CAMKMT: variants seen among roughly 807,000 people sequenced by gnomAD.
CAMKMT encodes the protein CaM KMT.
CAMKMT carries 53 observed loss-of-function variants against 48.0 expected under a neutral mutation model. That is an observed-to-expected ratio of 1.10 (90% CI 0.89 to 1.39). The LOEUF (loss-of-function observed/expected upper bound fraction) is 1.39, where lower values mean the gene tolerates loss of function less well. Among genes scored for constraint, CAMKMT ranks in the 40% most tolerant of loss-of-function variants. The probability of loss-of-function intolerance (pLI) is 0.00; values close to 1 mark genes in which losing one functional copy is unlikely to be tolerated. For missense variants in CAMKMT, 428 were observed against 402.7 expected (o/e 1.06, Z -0.54); for synonymous variants, 165 against 152.3 (o/e 1.08, Z -0.61).
chr2:44,601,157 G>A (rs1670964054), intron 3 of CAMKMT, among the ~76,000 whole-genome samples: 1 of 152,058 alleles, frequency 6.6e-6, no homozygotes, highest in South Asian at 2.1e-4. Flanking sequence ...ATAAAGGTAT[G>A]CCATTACTCT....
At chr2:44,523,299 T>C (rs1163414713) in intron 3 of CAMKMT, among the ~76,000 whole-genome samples, 2 of 150,224 alleles carry the variant, frequency 1.3e-5, no homozygotes, top group African/African-American at 4.9e-5. Context: ...CCACTTTTTT[T>C]TTTTTTTTTT....
intron 3 of CAMKMT, among the ~76,000 whole-genome samples, chr2:44,404,671 C>G (rs996852932): frequency 6.6e-6 from 1 of 152,068 alleles, no homozygotes; most frequent in Non-Finnish European, 1.5e-5. Context: ...CTTAATGTTT[C>G]TCTTTTCTTT....
intron 3 of CAMKMT, among the ~76,000 whole-genome samples, chr2:44,684,498 A>G (rs1676221416): frequency 6.6e-6 from 1 of 152,158 alleles, no homozygotes. Context: ...GACAAAAAAA[A>G]AAACCTAGAC....
intron 3 of CAMKMT, among the ~76,000 whole-genome samples, chr2:44,695,594 CA>C (rs1676898545): frequency 6.6e-6 from 1 of 152,142 alleles, no homozygotes; most frequent in Non-Finnish European, 1.5e-5. Flanking sequence ...GGAGACTGAA[CA>C]ATGCACTCCT....
At chr2:44,536,491 A>AT (rs923206313) in intron 3 of CAMKMT, among the ~76,000 whole-genome samples, 18 of 151,158 alleles carry the variant, frequency 1.2e-4, no homozygotes, top group African/African-American at 2.9e-4. Context: ...TGCCCAGCTA[A>AT]TTTTTTTTGT....
chr2:44,468,316 A>G (rs921149566), intron 3 of CAMKMT, among the ~76,000 whole-genome samples: 3 of 152,230 alleles, frequency 2.0e-5, no homozygotes, highest in Non-Finnish European at 4.4e-5. Flanking sequence ...CTCTCACTCC[A>G]GGTACAATGG....
At chr2:44,392,288 T>C (rs1234469170) in intron 3 of CAMKMT, among the ~76,000 whole-genome samples, 2 of 152,094 alleles carry the variant, frequency 1.3e-5, no homozygotes, top group Admixed American at 6.6e-5. Flanking sequence ...GTGACAAAAA[T>C]AAGACCTCTT....
chr2:44,647,921 A>C (rs1283453999), intron 3 of CAMKMT, among the ~76,000 whole-genome samples: 1 of 150,520 alleles, frequency 6.6e-6, no homozygotes, highest in East Asian at 1.9e-4. Context: ...AAAAAAAAAA[A>C]AAAAAAAAAA....
intron 3 of CAMKMT, among the ~76,000 whole-genome samples, chr2:44,524,933 G>A (rs990588572): frequency 2.7e-5 from 4 of 149,240 alleles, no homozygotes; most frequent in Non-Finnish European, 4.4e-5. Context: ...ACTTTGAGCA[G>A]TTTAAGAGCC....
chr2:44,373,451 T>C (rs541844557), intron 2 of CAMKMT, among the ~76,000 whole-genome samples: 1 of 152,326 alleles, frequency 6.6e-6, no homozygotes, highest in South Asian at 2.1e-4. Flanking sequence ...GATACCATTT[T>C]ACTGAATTAA....
At chr2:44,387,225 G>A (rs190587067) in intron 2 of CAMKMT, among the ~76,000 whole-genome samples, 3 of 152,098 alleles carry the variant, frequency 2.0e-5, no homozygotes, top group South Asian at 2.1e-4. Context: ...GTTTAGGATC[G>A]TGATATTTTC....
chr2:44,403,924 G>T (rs936352643), intron 3 of CAMKMT, among the ~76,000 whole-genome samples: 2 of 152,098 alleles, frequency 1.3e-5, no homozygotes, highest in East Asian at 3.9e-4. Flanking sequence ...GAATTCTTCA[G>T]CCTTCAAGAT....
chr2:44,493,008 CTCAGCCTCCTGA>C (rs1669583853), intron 3 of CAMKMT, among the ~76,000 whole-genome samples: 1 of 151,900 alleles, frequency 6.6e-6, no homozygotes, highest in Non-Finnish European at 1.5e-5. Flanking sequence ...ATTCTCCTGC[CTCAGCCTCCTGA>C]GTAGCTGGGA....
At chr2:44,420,785 A>G in intron 3 of CAMKMT, among the ~76,000 whole-genome samples, 1 of 151,884 alleles carries the variant, frequency 6.6e-6, no homozygotes, top group Non-Finnish European at 1.5e-5. Context: ...AAGATAGAGT[A>G]TCATTTATTT....
intron 3 of CAMKMT, among the ~76,000 whole-genome samples, chr2:44,544,973 T>A (rs1667316101): frequency 6.6e-6 from 1 of 152,266 alleles, no homozygotes; most frequent in South Asian, 2.1e-4. Flanking sequence ...TTCTGAAATT[T>A]ACTTTTTAGA....
chr2:44,715,895 A>T (rs975702146), intron 7 of CAMKMT, among the ~76,000 whole-genome samples: 9 of 152,196 alleles, frequency 5.9e-5, no homozygotes, highest in Non-Finnish European at 2.9e-5. Flanking sequence ...AACACTGAGA[A>T]ACCCTGCTCT....
intron 3 of CAMKMT, among the ~76,000 whole-genome samples, chr2:44,596,807 T>G (rs974424719): frequency 6.6e-6 from 1 of 152,016 alleles, no homozygotes; most frequent in Non-Finnish European, 1.5e-5. Flanking sequence ...AGACTACTGG[T>G]TATAAAAATT....
intron 10 of CAMKMT, among the ~76,000 whole-genome samples, chr2:44,769,192 C>T (rs532694445): frequency 5.9e-5 from 9 of 151,522 alleles, no homozygotes; most frequent in African/African-American, 2.2e-4. Flanking sequence ...AGTCAGTGAT[C>T]AGGAGGAACA....
intron 3 of CAMKMT, among the ~76,000 whole-genome samples, chr2:44,623,238 T>C (rs1418646853): frequency 6.6e-6 from 1 of 152,096 alleles, no homozygotes; most frequent in Non-Finnish European, 1.5e-5. Flanking sequence ...CCTTTGTTGG[T>C]ATAGTTTACA....
Sources: allele counts gnomAD v4.1 joint callset (sites outside exome capture counted in the v4.1 genomes callset), GRCh38; gene constraint gnomAD v4.1.1; transcripts MANE v1.5; gene names NCBI Gene and HGNC (gene_info 2026-07-23, HGNC 2026-07-21).